LRRK2: variants seen among roughly 807,000 people sequenced by gnomAD.
LRRK2 encodes leucine rich repeat kinase 2.
Under a neutral mutation model 302.6 loss-of-function variants are expected in LRRK2, and 203 were observed. The observed-to-expected ratio is 0.67, with a 90% CI of 0.60 to 0.75. LRRK2 has a LOEUF of 0.75. Ranked by LOEUF, LRRK2 falls within the 30% of genes least tolerant of loss-of-function variation. The pLI is 0.00. For missense variants in LRRK2, 2,830 were observed against 2,951.0 expected (o/e 0.96, Z 0.95); for synonymous variants, 1,066 against 1,031.9 (o/e 1.03, Z -0.63).
chr12:40,315,131 A>C, intron 32 of LRRK2, 81 bp from the exon 33 acceptor site: 1 of 1,135,486 alleles, frequency 8.8e-7, no homozygotes, highest in Non-Finnish European at 1.3e-6. Flanking sequence ...AAAATGAGGA[A>C]GTTGGACTAG....
At position 40,303,963 on chromosome 12, in the gene LRRK2, T is replaced by C; in HGVS notation, c.3606T>C (p.Asp1202=). The C allele has an allele frequency of 6.2e-7, 1 of 1,613,718 alleles. No homozygotes were observed. The highest frequency in any genetic ancestry group is 8.5e-7 in the Non-Finnish European group (1 of 1,179,732). ...ATTGTTTTAGCTTGCGGTCTTTAGA[T>C]ATGAGCAGCAATGATATTCAGTACC... ...ILNLPHLRSL[D]MSSNDIQYLP... Residue 1202 remains aspartate, a synonymous_variant, in exon 27 of 51, where the codon GAT becomes GAC. Transcript: ENST00000298910.
intron 20 of LRRK2, 120 bp downstream of exon 20, chr12:40,287,659 A>C: frequency 1.0e-6 from 1 of 974,228 alleles, no homozygotes; most frequent in Non-Finnish European, 1.5e-6. Context: ...AAATGTGTTT[A>C]TTATCGCAAA....
At chr12:40,339,768 C>T (rs1160251038) in intron 40 of LRRK2, among the ~76,000 whole-genome samples, 1 of 152,008 alleles carries the variant, frequency 6.6e-6, no homozygotes, top group Non-Finnish European at 1.5e-5. Flanking sequence ...ATTTTCCAAA[C>T]ATTGGGAAAC....
chr12:40,244,944 G>T (rs941309236), intron 7 of LRRK2, among the ~76,000 whole-genome samples: 3 of 147,860 alleles, frequency 2.0e-5, no homozygotes, highest in Non-Finnish European at 3.0e-5. Context: ...AAGGGTCATT[G>T]TCTATTTGAA....
chr12:40,257,169 A>T lies in LRRK2; in HGVS notation c.1289-79A>T, dbSNP rs904183131. ...ATATGCTTTCCTGTAAATTTGGACT[A>T]TATTAATATTCTAAAGCTTATGGTA... On this transcript the variant is annotated intron_variant, in intron 11 of 50. Transcript: ENST00000298910. 4 of 1,036,910 alleles carry T rather than the reference A, an allele frequency of 3.9e-6. No individual in the cohort carries two copies. The African/African-American group carries it at 6.4e-5, about 17-fold the overall frequency. The allele number at this position is 1,036,910 out of a possible 1,614,324, so 64.2% of individuals were successfully genotyped here.
At chr12:40,280,665 T>TAAAATAAA (rs1565708006) in intron 18 of LRRK2, among the ~76,000 whole-genome samples, 13 of 40,244 alleles carry the variant, frequency 3.2e-4, no homozygotes, top group Non-Finnish European at 4.8e-4. Flanking sequence ...AATAAAATAA[T>TAAAATAAA]ATAATAAGGC....
At chr12:40,365,699 A>G (rs1946857402) in intron 49 of LRRK2, 3 of 151,982 alleles carry the variant, frequency 2.0e-5, no homozygotes, top group South Asian at 2.1e-4. Flanking sequence ...ATGGGGTTTA[A>G]TTCTGAAAAA....
chr12:40,357,073 T>C (rs1241949976), intron 46 of LRRK2, among the ~76,000 whole-genome samples: 1 of 152,138 alleles, frequency 6.6e-6, no homozygotes, highest in East Asian at 1.9e-4. Flanking sequence ...CCTCCCTTCA[T>C]CCTCCCCTTC....
At chr12:40,271,938 G>A (rs768534990) in intron 14 of LRRK2, among the ~76,000 whole-genome samples, 1 of 152,092 alleles carries the variant, frequency 6.6e-6, no homozygotes, top group Non-Finnish European at 1.5e-5. Context: ...ATGAGTAGAA[G>A]CTTGTTAGAT....
intron 33 of LRRK2, among the ~76,000 whole-genome samples, chr12:40,319,094 C>T (rs1243065848): frequency 6.6e-6 from 1 of 152,040 alleles, no homozygotes; most frequent in Non-Finnish European, 1.5e-5. Flanking sequence ...CATTATAGAT[C>T]TCCCAAAGAA....
At chr12:40,348,566 T>TG in intron 43 of LRRK2, 57 bp downstream of exon 43, 2 of 1,043,838 alleles carry the variant, frequency 1.9e-6, no homozygotes, top group Non-Finnish European at 2.9e-6. Flanking sequence ...TATATGCATA[T>TG]ATATATAATC....
At chr12:40,244,894 A>C (rs144696935) in intron 7 of LRRK2, among the ~76,000 whole-genome samples, 2,278 of 151,978 alleles carry the variant, frequency 0.015, 144 homozygotes, top group Admixed American at 0.098. Context: ...AATAATTTTA[A>C]AAAAAAGGAG....
At position 40,283,989 on chromosome 12, in the gene LRRK2, A is replaced by T. The variant is rs544929315; in HGVS notation, c.2356A>T (p.Ile786Phe). ...AAGCATTGGGAAAGGTGACAGCCAG[A>T]TCATCAGCTTGCTCTTAAGGAGGCT... ...TISIGKGDSQ[I>F]ISLLLRRLAL... Residue 786 changes from isoleucine to phenylalanine, a missense_variant, in exon 19 of 51, where the codon ATC becomes TTC. Ile to Phe is a conservative substitution (Grantham distance 21). Transcript: ENST00000298910. 20 of 1,614,070 alleles carry T rather than the reference A, an allele frequency of 1.2e-5. No homozygotes were observed. The East Asian group carries it at 4.2e-4, about 34-fold the overall frequency.
chr12:40,298,927 A>ACTATATATAATACTTATTATATATATACT (rs1565727388), intron 24 of LRRK2, among the ~76,000 whole-genome samples, 182 bp from the exon 25 acceptor site: 17 of 129,258 alleles, frequency 1.3e-4, no homozygotes, highest in African/African-American at 4.3e-4. Context: ...TTATATATAT[A>ACTATATATAATACTTATTATATATATACT]ATAAAAGACC....
At position 40,263,569 on chromosome 12, in the gene LRRK2, G is replaced by A. The variant is rs202156556; in HGVS notation, c.1544-220G>A. 3.3e-5 allele frequency among the ~76,000 whole-genome samples: 5 copies of A among 152,030 alleles called. No homozygotes were observed. In the East Asian group the frequency reaches 9.6e-4, roughly 29 times the overall value. On this transcript the variant is annotated intron_variant, in intron 13 of 50. Transcript: ENST00000298910. ...TTTTTTGCTACTTCAAATTCAGTAA[G>A]CATTCTTACACATTATATTTATTTT... is the stretch of plus-strand genomic sequence containing the variant.
At chr12:40,271,363 A>G (rs1943227261) in intron 14 of LRRK2, among the ~76,000 whole-genome samples, 1 of 152,190 alleles carries the variant, frequency 6.6e-6, no homozygotes, top group Non-Finnish European at 1.5e-5. Flanking sequence ...TGGCTAATCT[A>G]CTTACCTAGT....
At chr12:40,276,473 T>G (rs1943458108) in intron 16 of LRRK2, among the ~76,000 whole-genome samples, 1 of 152,144 alleles carries the variant, frequency 6.6e-6, no homozygotes, top group African/African-American at 2.4e-5. Flanking sequence ...TGTTTGTATT[T>G]TTAGCTGAGA....
intron 35 of LRRK2, among the ~76,000 whole-genome samples, chr12:40,321,429 C>T (rs1260164210): frequency 6.6e-6 from 1 of 151,974 alleles, no homozygotes; most frequent in Non-Finnish European, 1.5e-5. Context: ...TCCTTAGGTG[C>T]TCACTCAGAT....
chr12:40,240,739 T>G, intron 6 of LRRK2, 122 bp downstream of exon 6: 1 of 963,798 alleles, frequency 1.0e-6, no homozygotes, highest in Non-Finnish European at 1.6e-6. Flanking sequence ...ACCCATTCAT[T>G]CATTTATTCA....
Sources: allele counts gnomAD v4.1 joint callset (sites outside exome capture counted in the v4.1 genomes callset), GRCh38; gene constraint gnomAD v4.1.1; transcripts MANE v1.5; gene names NCBI Gene and HGNC (gene_info 2026-07-23, HGNC 2026-07-21).